The following PPIL2 variants were observed in gnomAD, a reference collection of about 807,000 sequenced individuals.
PPIL2 encodes the protein RING-type E3 ubiquitin-protein ligase PPIL2.
Under a neutral mutation model 75.2 loss-of-function variants are expected in PPIL2, and 50 were observed. The ratio of observed to expected loss-of-function variants is 0.66; its 90% CI spans 0.53 to 0.84. The LOEUF is 0.84. Among genes scored for constraint, PPIL2 ranks in the 40% least tolerant of loss-of-function variants. PPIL2 has a pLI of 0.00. For synonymous variants in PPIL2, 245 were observed against 258.8 expected (o/e 0.95, Z 0.51); for missense variants, 590 against 685.0 (o/e 0.86, Z 1.55).
intron 6 of PPIL2, among the ~76,000 whole-genome samples, chr22:21,680,773 T>C (rs970327943): frequency 2.3e-5 from 3 of 128,600 alleles, no homozygotes; most frequent in Non-Finnish European, 4.6e-5. Flanking sequence ...GAGCTTGCAG[T>C]GAGCCGAGAT....
intron 6 of PPIL2, 138 bp from the exon 7 acceptor site, chr22:21,681,161 C>T (rs1460799606): frequency 1.5e-6 from 1 of 686,592 alleles, no homozygotes; most frequent in East Asian, 2.6e-5. Flanking sequence ...GTTCCCTGCT[C>T]TGGCAGCTGA....
At chr22:21,675,186 C>A in intron 6 of PPIL2, 71 bp downstream of exon 6, 1 of 1,357,300 alleles carries the variant, frequency 7.4e-7, no homozygotes, top group Non-Finnish European at 1.0e-6. Context: ...CACCAGTTTT[C>A]ATACGGAATC....
intron 6 of PPIL2, among the ~76,000 whole-genome samples, chr22:21,679,154 C>T (rs113581392): frequency 0.021 from 3,225 of 152,156 alleles, 47 homozygotes; most frequent in African/African-American, 0.038. Context: ...CCTCTGCCTC[C>T]GAAAGTGCTG....
chr22:21,693,752 C>T, intron 15 of PPIL2, 64 bp from the exon 16 acceptor site: 1 of 1,488,654 alleles, frequency 6.7e-7, no homozygotes, highest in East Asian at 2.3e-5. Context: ...TCCTGGTGTG[C>T]TCTTAGGCAG....
In PPIL2 at chr22:21,696,449, T is replaced by TGTCA. The variant is rs1259601793; in HGVS notation, c.*964_*967dup. ...CTGGGCTCCAAGACTCTGCTCCTCC[T>TGTCA]GTCAGTCACTGACTCTGATGGCCTT... On this transcript the variant is annotated 3_prime_UTR_variant, in exon 20 of 20. Transcript: ENST00000398831. 51 of 1,198,168 alleles carry TGTCA rather than the reference T, an allele frequency of 4.3e-5. No individual in the cohort carries two copies. In the African/African-American group the frequency reaches 6.8e-4, roughly 16 times the overall value. The allele number at this position is 1,198,168 out of a possible 1,614,324, so 74.2% of individuals were successfully genotyped here. A position where few individuals can be genotyped will look rare whatever the true frequency, so the allele number is the denominator to read the frequency against.
intron 6 of PPIL2, among the ~76,000 whole-genome samples, chr22:21,680,847 A>AAC (rs1302481620): frequency 6.8e-6 from 1 of 147,956 alleles, no homozygotes; most frequent in African/African-American, 2.5e-5. Context: ...AAAAAAAAAA[A>AAC]AAAAAACAGA....
At chr22:21,676,967 C>T (rs1453719059) in intron 6 of PPIL2, among the ~76,000 whole-genome samples, 18 of 142,832 alleles carry the variant, frequency 1.3e-4, no homozygotes, top group Middle Eastern at 0.011. Context: ...CCGGACGGGG[C>T]GGCGGCCAGG....
In PPIL2 at chr22:21,693,815, G is replaced by A; in HGVS notation, c.1140-1G>A. ...CCTAACCATCCAGCCCTCCTCCCCAGCTTCATCACGTTTCGCTCCTGTGCC... is the reference window on the plus strand; with the variant it reads ...CCTAACCATCCAGCCCTCCTCCCCAACTTCATCACGTTTCGCTCCTGTGCC... On this transcript the variant is annotated splice_acceptor_variant, in intron 15 of 19. Transcript: ENST00000398831. LOFTEE classifies it high-confidence loss of function. 6.5e-7 allele frequency: 1 copy of A among 1,536,982 alleles called. No homozygotes were observed. The highest frequency in any genetic ancestry group is 9.0e-7 in the Non-Finnish European group (1 of 1,109,866).
At chr22:21,670,389 T>C (rs1445005558) in intron 2 of PPIL2, 177 bp from the exon 3 acceptor site, 2 of 1,486,702 alleles carry the variant, frequency 1.3e-6, no homozygotes, top group African/African-American at 1.4e-5. Flanking sequence ...AAGTTCTTTT[T>C]TGATGTACCC....
At chr22:21,698,496 C>G (rs902938336), downstream of PPIL2, 1 of 152,344 alleles carries the variant, frequency 6.6e-6, no homozygotes. Context: ...TGGCTGTCCT[C>G]GCACCCGTGG....
intron 6 of PPIL2, among the ~76,000 whole-genome samples, chr22:21,677,025 G>A (rs1426338571): frequency 6.6e-6 from 1 of 151,102 alleles, no homozygotes; most frequent in Admixed American, 6.6e-5. Flanking sequence ...CTGGCCGGGC[G>A]GGGGCTGCCC....
intron 7 of PPIL2, 136 bp downstream of exon 7, chr22:21,681,526 T>A: frequency 1.3e-6 from 1 of 758,206 alleles, no homozygotes. Flanking sequence ...ACAGGCATGG[T>A]CATCTAGCAA....
intron 6 of PPIL2, among the ~76,000 whole-genome samples, chr22:21,676,323 G>GTA (rs1330600696): frequency 2.7e-5 from 4 of 149,738 alleles, no homozygotes; most frequent in African/African-American, 1.0e-4. Context: ...GTGTGTGTGT[G>GTA]TGTGTGTGTG....
At chr22:21,694,545 G>A in intron 16 of PPIL2, 48 bp from the exon 17 acceptor site, 1 of 1,604,488 alleles carries the variant, frequency 6.2e-7, no homozygotes, top group East Asian at 2.2e-5. Context: ...AGCCGTGGGG[G>A]TGCCCTCCTT....
At position 21,675,048 on chromosome 22, in the gene PPIL2, A is replaced by C; in HGVS notation, c.244-16A>C. ...ACTTATTCATTATCATTAATTATTA[A>C]CTGTGCTTCTTCCAGAAGCTGGACG... On this transcript the variant is annotated splice_polypyrimidine_tract_variant and intron_variant, in intron 5 of 19. Coordinates refer to ENST00000398831, the MANE Select transcript of PPIL2 (RefSeq NM_014337.4). The C allele has an allele frequency of 6.3e-7, 1 of 1,597,798 alleles. No individual in the cohort carries two copies. Among genetic ancestry groups the C allele is most frequent in the Non-Finnish European group, 8.6e-7 (1 of 1,165,410 alleles).
rs1365912133 is a variant in PPIL2 at position 21,697,178 on chromosome 22, AGAG to A, written c.*1693_*1695del. ...GGCTCAGACACCAAGCTGGGCCTGCAGAGGAGGGGCACAGTAGGACACAGTGAC... is the reference window on the plus strand; with the variant it reads ...GGCTCAGACACCAAGCTGGGCCTGCAGAGGGGCACAGTAGGACACAGTGAC... On this transcript the variant is annotated 3_prime_UTR_variant, in exon 20 of 20. Transcript: ENST00000398831. The A allele has an allele frequency of 2.7e-5, 17 of 627,708 alleles. No homozygotes were observed. Among genetic ancestry groups the A allele is most frequent in the Admixed American group, 1.5e-4 (5 of 34,208 alleles). The allele number at this position is 627,708 out of a possible 1,614,324, so 38.9% of individuals were successfully genotyped here. A position where few individuals can be genotyped will look rare whatever the true frequency, so the allele number is the denominator to read the frequency against.
At chr22:21,698,225 A>AC (rs201784522), downstream of PPIL2, 5 of 151,582 alleles carry the variant, frequency 3.3e-5, no homozygotes, top group East Asian at 7.5e-4. Context: ...AAGCCCAACA[A>AC]AAAAAAAGTG....
chr22:21,687,059 C>CCT, intron 12 of PPIL2, 61 bp downstream of exon 12: 1 of 1,471,772 alleles, frequency 6.8e-7, no homozygotes, highest in Non-Finnish European at 9.5e-7. Flanking sequence ...ATCTGACAGC[C>CCT]ATGTCTTAAA....
Position 21,696,129 on chromosome 22 carries a change from G to T in PPIL2, c.*639G>T. 1 of 995,028 alleles carries T rather than the reference G, an allele frequency of 1.0e-6. No homozygotes were observed. Among genetic ancestry groups the T allele is most frequent in the Non-Finnish European group, 1.2e-6 (1 of 834,418 alleles). The allele number at this position is 995,028 out of a possible 1,614,324, so 61.6% of individuals were successfully genotyped here. On this transcript the variant is annotated 3_prime_UTR_variant, in exon 20 of 20. Coordinates refer to ENST00000398831, the MANE Select transcript of PPIL2 (RefSeq NM_014337.4). Reference sequence around the variant, plus strand: ...ACTTACTGAGCCTAAGCCTCTGCAGGGTGGGCTTCTCGGTCTGTTTTGACA... The same window carrying T: ...ACTTACTGAGCCTAAGCCTCTGCAGTGTGGGCTTCTCGGTCTGTTTTGACA...
Sources: gnomAD v4.1 joint callset for allele counts (sites outside exome capture counted in the v4.1 genomes callset) on GRCh38, gnomAD v4.1.1 for gene constraint, MANE v1.5 for transcripts, NCBI Gene and HGNC (gene_info 2026-07-23, HGNC 2026-07-21) for gene names.